Variants in PDSS2 observed in about 807,000 individuals in gnomAD.
PDSS2 encodes all trans-polyprenyl-diphosphate synthase PDSS2.
In PDSS2, 31 loss-of-function variants were observed where a neutral mutation model predicts 44.5. The observed-to-expected ratio is 0.70, with a 90% CI of 0.52 to 0.94. The LOEUF (loss-of-function observed/expected upper bound fraction) is 0.94. Among genes scored for constraint, PDSS2 ranks in the 40% least tolerant of loss-of-function variants. PDSS2 has a pLI of 0.00. For missense variants in PDSS2, 452 were observed against 482.2 expected (o/e 0.94, Z 0.59); for synonymous variants, 157 against 180.3 (o/e 0.87, Z 1.03).
chr6:107,286,392 C>A (rs1038973768), intron 2 of PDSS2, among the ~76,000 whole-genome samples: 8 of 151,710 alleles, frequency 5.3e-5, no homozygotes, highest in Non-Finnish European at 2.9e-5. Context: ...TGCCTGTAAT[C>A]CCAGCTACTC....
chr6:107,162,610 ATT>A (rs71012782), intron 7 of PDSS2, among the ~76,000 whole-genome samples: 2 of 115,544 alleles, frequency 1.7e-5, no homozygotes, highest in Non-Finnish European at 3.4e-5. Context: ...GAATTCCCTA[ATT>A]TTTTTTTTTT....
intron 4 of PDSS2, among the ~76,000 whole-genome samples, chr6:107,227,888 A>G (rs1448787477): frequency 6.6e-6 from 1 of 152,196 alleles, no homozygotes; most frequent in Admixed American, 6.5e-5. Flanking sequence ...TTGAGAAAAC[A>G]GTTAAATATT....
chr6:107,218,496 C>T (rs1773491915), intron 4 of PDSS2, among the ~76,000 whole-genome samples: 1 of 152,312 alleles, frequency 6.6e-6, no homozygotes, highest in East Asian at 1.9e-4. Context: ...TATATCCTTA[C>T]CTTGCGTTAA....
intron 3 of PDSS2, among the ~76,000 whole-genome samples, chr6:107,261,193 G>A (rs1423196857): frequency 6.6e-6 from 1 of 152,192 alleles, no homozygotes; most frequent in Non-Finnish European, 1.5e-5. Context: ...CACTCCAGCA[G>A]GCTTGTATAC....
At chr6:107,236,732 C>A (rs920019824) in intron 4 of PDSS2, among the ~76,000 whole-genome samples, 4 of 152,142 alleles carry the variant, frequency 2.6e-5, no homozygotes, top group African/African-American at 9.7e-5. Context: ...TAGACATCTT[C>A]CCAATCTTTA....
At chr6:107,391,036 G>A (rs2448082) in intron 1 of PDSS2, among the ~76,000 whole-genome samples, 5,209 of 151,528 alleles carry the variant, frequency 0.034, 309 homozygotes, top group African/African-American at 0.12. Context: ...TCCTTGAACT[G>A]ATGGGGGGAG....
chr6:107,376,145 T>A (rs1243799672), intron 1 of PDSS2, among the ~76,000 whole-genome samples: 1 of 152,202 alleles, frequency 6.6e-6, no homozygotes, highest in African/African-American at 2.4e-5. Flanking sequence ...ACCAGTACCA[T>A]GCTGTTTTGG....
At chr6:107,350,189 G>A (rs902557026) in intron 1 of PDSS2, among the ~76,000 whole-genome samples, 3 of 152,146 alleles carry the variant, frequency 2.0e-5, no homozygotes, top group Non-Finnish European at 2.9e-5. Flanking sequence ...CACTTTGGCC[G>A]TCTGAGTAAG....
In PDSS2 at chr6:107,334,180, A is replaced by ATTTT; in HGVS notation, c.431+17_431+18insAAAA. 6.2e-7 allele frequency: 1 copy of ATTTT among 1,611,692 alleles called. No individual in the cohort carries two copies. Among genetic ancestry groups the ATTTT allele is most frequent in the East Asian group, 2.2e-5 (1 of 44,854 alleles). On this transcript the variant is annotated intron_variant, in intron 2 of 7. Transcript: ENST00000369037. ...ACACGATGTAGAGAGCAATGTCAAA[A>ATTTT]GACTAAATTCTTCTTACCATGAGTA...
chr6:107,455,754 CAAAAAAAAA>C lies in PDSS2; in HGVS notation c.296+3227_296+3235del, dbSNP rs60783838. Among the ~76,000 whole-genome samples the C allele has an allele frequency of 1.8e-4, 10 of 55,682 alleles. No homozygotes were observed. The East Asian group carries it at 2.4e-3, about 13-fold the overall frequency. The allele number at this position is 55,682 out of a possible 152,430, so 36.5% of individuals were successfully genotyped here. On this transcript the variant is annotated intron_variant, in intron 1 of 7. Coordinates refer to ENST00000369037, the MANE Select transcript of PDSS2 (RefSeq NM_020381.4). Reference sequence around the variant, plus strand: ...CTGGCGATAGAGCGAGACTCTGTCTCAAAAAAAAAAAAAAAAAAAAAAAAAAAAACTTAA... The same window carrying C: ...CTGGCGATAGAGCGAGACTCTGTCTCAAAAAAAAAAAAAAAAAAAACTTAA...
intron 1 of PDSS2, among the ~76,000 whole-genome samples, chr6:107,435,057 G>T (rs185418713): frequency 1.3e-4 from 20 of 152,062 alleles, no homozygotes; most frequent in Admixed American, 8.5e-4. Context: ...CAGGAGGATT[G>T]GTTGAGCCCA....
Position 107,210,588 on chromosome 6 carries a change from A to AT in PDSS2, c.877-19dup. ...GAATTTATCTACAAGAAGCAATTAA[A>AT]TGAGTAAATTAGTGAAATGTATATA... On this transcript the variant is annotated intron_variant, in intron 5 of 7. Transcript: ENST00000369037. The AT allele has an allele frequency of 6.5e-7, 1 of 1,532,230 alleles. No individual in the cohort carries two copies. 94.9% of individuals were successfully genotyped at this position (1,532,230 alleles called of 1,614,324 possible).
intron 3 of PDSS2, 132 bp downstream of exon 3, chr6:107,273,897 A>C (rs1223211058): frequency 1.4e-6 from 1 of 736,048 alleles, no homozygotes; most frequent in Non-Finnish European, 2.5e-6. Flanking sequence ...TATGTTCATC[A>C]CAGTTTTACT....
intron 7 of PDSS2, among the ~76,000 whole-genome samples, chr6:107,180,504 G>A (rs1190388994): frequency 1.3e-5 from 2 of 152,150 alleles, no homozygotes; most frequent in Middle Eastern, 3.2e-3. Flanking sequence ...AGGCAAAAAC[G>A]CGCAGTATCT....
chr6:107,412,569 G>A (rs979415546), intron 1 of PDSS2, among the ~76,000 whole-genome samples: 4 of 152,092 alleles, frequency 2.6e-5, no homozygotes, highest in African/African-American at 7.2e-5. Flanking sequence ...ATGTTTTTAT[G>A]AGCATGTGCT....
chr6:107,173,598 C>T (rs1193651519), intron 7 of PDSS2, among the ~76,000 whole-genome samples: 4 of 53,082 alleles, frequency 7.5e-5, no homozygotes, highest in Non-Finnish European at 1.2e-4. Flanking sequence ...AAAAAAAAAA[C>T]GCTTAGAACA....
At chr6:107,161,604 T>C (rs1435672211) in intron 7 of PDSS2, among the ~76,000 whole-genome samples, 1 of 152,156 alleles carries the variant, frequency 6.6e-6, no homozygotes. Flanking sequence ...TGTGTTCTCA[T>C]AAATAAAGTT....
intron 1 of PDSS2, among the ~76,000 whole-genome samples, chr6:107,390,687 G>C (rs77115395): frequency 2.0e-5 from 3 of 152,210 alleles, no homozygotes; most frequent in Admixed American, 2.0e-4. Context: ...AGGAAACTAG[G>C]TGAGGGTATA....
chr6:107,212,271 G>T lies in PDSS2; in HGVS notation c.714C>A (p.Ile238=), dbSNP rs1217815915. The change falls in exon 5 of 8, where the codon ATC becomes ATA. Residue 238 remains isoleucine, a synonymous_variant. Transcript: ENST00000369037. ...HENSTSKESY[I]TDDIGISTWK... is the part of the protein sequence containing the mutation. ...AAGTCGATATTCCAATATCATCTGT[G>T]ATATAACTTTCCTAAAAATGTAACA... The T allele has an allele frequency of 6.2e-7, 1 of 1,611,528 alleles. No homozygotes were observed.
Sources: allele counts gnomAD v4.1 joint callset (sites outside exome capture counted in the v4.1 genomes callset), GRCh38; gene constraint gnomAD v4.1.1; transcripts MANE v1.5; gene names NCBI Gene and HGNC (gene_info 2026-07-23, HGNC 2026-07-21).